Variants in VIPR2 observed in about 807,000 individuals in gnomAD.
VIPR2 encodes vasoactive intestinal polypeptide receptor 2.
A neutral mutation model predicts 58.0 loss-of-function variants in VIPR2; 48 were observed. That is an observed-to-expected ratio of 0.83 (90% CI 0.66 to 1.05). The LOEUF is 1.05. Ranked by LOEUF, VIPR2 falls within the 50% of genes least tolerant of loss-of-function variation. The probability of loss-of-function intolerance (pLI) is 0.00; values close to 1 mark genes in which losing one functional copy is unlikely to be tolerated. For synonymous variants in VIPR2, 243 were observed against 235.2 expected (o/e 1.03, Z -0.30); for missense variants, 534 against 558.0 (o/e 0.96, Z 0.43).
At chr7:159,112,128 T>C (rs1364583675) in intron 2 of VIPR2, among the ~76,000 whole-genome samples, 1 of 152,274 alleles carries the variant, frequency 6.6e-6, no homozygotes, top group African/African-American at 2.4e-5. Flanking sequence ...TCAACAGAGA[T>C]ACTAAATTCA....
Position 159,032,558 on chromosome 7 carries a change from CA to C in VIPR2, c.972-492del, listed in dbSNP as rs1853662122. 5.3e-5 allele frequency among the ~76,000 whole-genome samples: 8 copies of C among 152,340 alleles called. No individual in the cohort carries two copies. In the South Asian group the frequency reaches 1.7e-3, roughly 32 times the overall value. Reference sequence around the variant, plus strand: ...GGGAGCCAGGTCCCTCAGTCAGCGGCAGAGGACCTGCCTGATTCCCTCTATT... The same window carrying C: ...GGGAGCCAGGTCCCTCAGTCAGCGGCGAGGACCTGCCTGATTCCCTCTATT... On this transcript the variant is annotated intron_variant, in intron 10 of 12. Coordinates refer to ENST00000262178, the MANE Select transcript of VIPR2 (RefSeq NM_003382.5).
chr7:159,062,141 T>TG (rs758659663), intron 4 of VIPR2, among the ~76,000 whole-genome samples: 1 of 151,918 alleles, frequency 6.6e-6, no homozygotes, highest in Non-Finnish European at 1.5e-5. Flanking sequence ...AGGGACTTGA[T>TG]GGGGGGCCCG....
At chr7:159,104,811 G>A (rs150906752) in intron 3 of VIPR2, among the ~76,000 whole-genome samples, 18 of 145,286 alleles carry the variant, frequency 1.2e-4, no homozygotes, top group African/African-American at 4.5e-4. Flanking sequence ...TGCCCGGCCT[G>A]CCCCAGTTCC....
At position 159,067,954 on chromosome 7, in the gene VIPR2, G is replaced by T. The variant is rs574057817; in HGVS notation, c.358-9376C>A. Among the ~76,000 whole-genome samples, 32 of 152,380 alleles carry T rather than the reference G, an allele frequency of 2.1e-4. No individual in the cohort carries two copies. The East Asian group carries it at 5.4e-3, about 26-fold the overall frequency. On this transcript the variant is annotated intron_variant, in intron 4 of 12. Coordinates refer to ENST00000262178, the MANE Select transcript of VIPR2 (RefSeq NM_003382.5). ...AGGGCAGGAAGGGCAGGTGCTGCGG[G>T]GGCCGCTAGCCCCTCTCTGCAGAGG...
chr7:159,059,705 A>G (rs1855521848), intron 4 of VIPR2, among the ~76,000 whole-genome samples: 1 of 151,992 alleles, frequency 6.6e-6, no homozygotes, highest in African/African-American at 2.4e-5. Context: ...TCCACTCACG[A>G]GAATATGTCA....
rs143738092 is a variant in VIPR2 at position 159,029,378 on chromosome 7, C to G, written c.*1238G>C. 1 of 152,382 alleles carries G rather than the reference C, an allele frequency of 6.6e-6. No homozygotes were observed. The highest frequency in any genetic ancestry group is 1.5e-5 in the Non-Finnish European group (1 of 68,096). 9.4% of individuals were successfully genotyped at this position (152,382 alleles called of 1,614,324 possible). On this transcript the variant is annotated 3_prime_UTR_variant, in exon 13 of 13. Coordinates refer to ENST00000262178, the MANE Select transcript of VIPR2 (RefSeq NM_003382.5). ...CACCCTTCTGCAGCTGGCTCAGCAA[C>G]GTCCCCAGACACCCTCCCCACATCT...
At chr7:159,047,506 CTATTA>C (rs1854727073) in intron 5 of VIPR2, among the ~76,000 whole-genome samples, 1 of 150,674 alleles carries the variant, frequency 6.6e-6, no homozygotes, top group African/African-American at 2.4e-5. Context: ...AAACTAGTTT[CTATTA>C]TGACAGACAC....
intron 6 of VIPR2, among the ~76,000 whole-genome samples, chr7:159,042,048 T>G (rs1247826617): frequency 6.6e-6 from 1 of 152,170 alleles, no homozygotes; most frequent in Non-Finnish European, 1.5e-5. Context: ...ACGCGCCAGC[T>G]TATCCCCAGA....
chr7:159,070,712 T>C (rs1471726775), intron 4 of VIPR2, among the ~76,000 whole-genome samples: 7 of 152,240 alleles, frequency 4.6e-5, no homozygotes, highest in Non-Finnish European at 8.8e-5. Flanking sequence ...AATTAAAATT[T>C]GTGTTTGTCT....
chr7:159,097,136 A>T lies in VIPR2; in HGVS notation c.357+6621T>A. The T allele has an allele frequency of 6.8e-7, 1 of 1,473,266 alleles. No individual in the cohort carries two copies. The highest frequency in any genetic ancestry group is 9.1e-7 in the Non-Finnish European group (1 of 1,104,700). The allele number at this position is 1,473,266 out of a possible 1,614,324, so 91.3% of individuals were successfully genotyped here. On this transcript the variant is annotated intron_variant, in intron 4 of 12. Coordinates refer to ENST00000262178, the MANE Select transcript of VIPR2 (RefSeq NM_003382.5). This position sits in a 1 kb window ranked among gnomAD's most constrained non-coding sequence, Gnocchi z 5.3. ...GGGATGATCAGATGGTGCCTCCCAC[A>T]AAGGCATCTGCAGTGCCAGCTGCTG...
At chr7:159,143,698 T>A (rs1360103293) in intron 1 of VIPR2, among the ~76,000 whole-genome samples, 1 of 152,222 alleles carries the variant, frequency 6.6e-6, no homozygotes, top group Non-Finnish European at 1.5e-5. Context: ...GAAATTATAT[T>A]GATGTAAAAA....
intron 5 of VIPR2, among the ~76,000 whole-genome samples, chr7:159,051,448 T>C (rs1855000407): frequency 6.6e-6 from 1 of 152,092 alleles, no homozygotes; most frequent in Non-Finnish European, 1.5e-5. Flanking sequence ...ATAAAAATAT[T>C]TGATCAATTC....
chr7:159,125,025 G>A (rs1182528548), intron 2 of VIPR2, among the ~76,000 whole-genome samples: 1 of 152,164 alleles, frequency 6.6e-6, no homozygotes, highest in East Asian at 1.9e-4. Flanking sequence ...TCAGCTGAAG[G>A]AGCTTTTCGG....
rs536786219 is a variant in VIPR2, at chr7:159,140,027, A to T, written c.151+2419T>A. Reference sequence around the variant, plus strand: ...CTAAGCTTACAAAGAGAATCCCGTAAGAGAGCTTAGAATTGAAATTGGTTT... The same window carrying T: ...CTAAGCTTACAAAGAGAATCCCGTATGAGAGCTTAGAATTGAAATTGGTTT... On this transcript the variant is annotated intron_variant, in intron 2 of 12. Transcript: ENST00000262178. Among the ~76,000 whole-genome samples, 6 of 152,376 alleles carry T rather than the reference A, an allele frequency of 3.9e-5. No homozygotes were observed. In the South Asian group the frequency reaches 1.2e-3, roughly 32 times the overall value.
At chr7:159,080,685 T>G (rs1190288136) in intron 4 of VIPR2, among the ~76,000 whole-genome samples, 2 of 152,212 alleles carry the variant, frequency 1.3e-5, no homozygotes, top group Non-Finnish European at 2.9e-5. Flanking sequence ...TTGTCCCTGT[T>G]TGCAGATGAC....
intron 4 of VIPR2, among the ~76,000 whole-genome samples, chr7:159,066,201 C>T (rs541647099): frequency 1.5e-4 from 23 of 151,624 alleles, no homozygotes; most frequent in African/African-American, 5.1e-4. Flanking sequence ...GCTCCCGCAC[C>T]GTCCATGGGA....
intron 5 of VIPR2, among the ~76,000 whole-genome samples, chr7:159,044,161 C>CT (rs113609793): frequency 4.4e-4 from 67 of 151,158 alleles, no homozygotes; most frequent in African/African-American, 1.4e-3. Context: ...GGCACTTTTT[C>CT]TTTTTTTTTC....
chr7:159,033,212 C>T (rs1188106881), intron 10 of VIPR2, among the ~76,000 whole-genome samples: 1 of 152,188 alleles, frequency 6.6e-6, no homozygotes, highest in African/African-American at 2.4e-5. Flanking sequence ...GGGCACTGGC[C>T]GGTATCTGCA....
rs1213149921 is a variant in VIPR2 at position 159,096,655 on chromosome 7, A to G, written c.357+7102T>C. ...GAAAAGACTCATCCATTTATTTGGAAAGTATTAAGCATCACATGCACAGGT... is the reference window on the plus strand; with the variant it reads ...GAAAAGACTCATCCATTTATTTGGAGAGTATTAAGCATCACATGCACAGGT... On this transcript the variant is annotated intron_variant, in intron 4 of 12. Coordinates refer to ENST00000262178, the MANE Select transcript of VIPR2 (RefSeq NM_003382.5). This position sits in a 1 kb window ranked among gnomAD's most constrained non-coding sequence, Gnocchi z 5.5. Among the ~76,000 whole-genome samples, 1 of 152,208 alleles carries G rather than the reference A, an allele frequency of 6.6e-6. No individual in the cohort carries two copies. The highest frequency in any genetic ancestry group is 2.4e-5 in the African/African-American group (1 of 41,438).
Sources: gnomAD v4.1 joint callset for allele counts (sites outside exome capture counted in the v4.1 genomes callset) on GRCh38, gnomAD v4.1.1 for gene constraint, Gnocchi (gnomAD v3.1) non-coding constraint, MANE v1.5 for transcripts, NCBI Gene and HGNC (gene_info 2026-07-23, HGNC 2026-07-21) for gene names.